CTNNA3: variants seen among roughly 807,000 people sequenced by gnomAD.
CTNNA3 encodes catenin alpha-3.
Under a neutral mutation model 95.7 loss-of-function variants are expected in CTNNA3, and 76 were observed. The observed-to-expected ratio is 0.79, with a 90% CI of 0.66 to 0.96. The LOEUF (loss-of-function observed/expected upper bound fraction) is 0.96, where lower values mean the gene tolerates loss of function less well. CTNNA3 is among the 40% of genes least tolerant of loss of function. CTNNA3 has a pLI of 0.00. For synonymous variants in CTNNA3, 431 were observed against 374.4 expected, an observed-to-expected ratio of 1.15 and a Z score of -1.74; for missense variants, 1,191 against 1,089.8, an observed-to-expected ratio of 1.09 and a Z score of -1.31.
At chr10:67,304,559 C>T (rs1840459572) in intron 5 of CTNNA3, among the ~76,000 whole-genome samples, 1 of 152,082 alleles carries the variant, frequency 6.6e-6, no homozygotes, top group Admixed American at 6.5e-5. Context: ...TTGGCTTTCT[C>T]TGAAATGAAA....
At chr10:67,221,613 C>CA (rs1864661617) in intron 5 of CTNNA3, among the ~76,000 whole-genome samples, 1 of 151,882 alleles carries the variant, frequency 6.6e-6, no homozygotes. Context: ...CGCGCTCTGT[C>CA]GCCGAGGCTG....
chr10:67,131,003 T>C (rs1227014701), intron 7 of CTNNA3, among the ~76,000 whole-genome samples: 1 of 152,058 alleles, frequency 6.6e-6, no homozygotes. Context: ...TCTAGAGTAA[T>C]TGATTCAAAA....
chr10:66,645,322 T>C (rs1304027823), intron 9 of CTNNA3, among the ~76,000 whole-genome samples: 3 of 152,122 alleles, frequency 2.0e-5, no homozygotes, highest in Non-Finnish European at 2.9e-5. Context: ...AAACATTTTG[T>C]ATTTATATTA....
chr10:67,152,843 T>C (rs900245559), intron 7 of CTNNA3, among the ~76,000 whole-genome samples: 1 of 152,192 alleles, frequency 6.6e-6, no homozygotes. Context: ...TTTTTATAAA[T>C]TGAAGACAAC....
intron 12 of CTNNA3, among the ~76,000 whole-genome samples, chr10:66,288,977 A>G (rs1048014252): frequency 2.3e-4 from 35 of 152,026 alleles, no homozygotes; most frequent in Admixed American, 1.5e-3. Context: ...AACAAAAAAC[A>G]TAGTTTTCCT....
At chr10:66,915,588 A>G (rs1387492255) in intron 7 of CTNNA3, among the ~76,000 whole-genome samples, 1 of 151,840 alleles carries the variant, frequency 6.6e-6, no homozygotes, top group East Asian at 1.9e-4. Context: ...AAAATGGTGA[A>G]GTACTAGGTA....
chr10:67,658,789 C>A (rs1840098789), intron 1 of CTNNA3, among the ~76,000 whole-genome samples: 1 of 152,126 alleles, frequency 6.6e-6, no homozygotes, highest in Admixed American at 6.5e-5. Flanking sequence ...CCTTAGCATC[C>A]AAAATCTCTG....
At chr10:66,638,879 T>A (rs542929782) in intron 9 of CTNNA3, among the ~76,000 whole-genome samples, 5 of 152,278 alleles carry the variant, frequency 3.3e-5, no homozygotes, top group African/African-American at 9.6e-5. Context: ...TCCCTCATAC[T>A]TTTCCTCTCA....
At chr10:66,815,582 G>A (rs1564700975) in intron 7 of CTNNA3, among the ~76,000 whole-genome samples, 1 of 152,060 alleles carries the variant, frequency 6.6e-6, no homozygotes, top group East Asian at 1.9e-4. Context: ...GATTTGAAAT[G>A]TCAGCCCACG....
At chr10:66,625,446 TGGCTCGATCTA>T (rs1844900760) in intron 9 of CTNNA3, among the ~76,000 whole-genome samples, 1 of 152,110 alleles carries the variant, frequency 6.6e-6, no homozygotes, top group African/African-American at 2.4e-5. Flanking sequence ...TGGAGTGCAG[TGGCTCGATCTA>T]GGCTCACTGC....
At chr10:66,387,975 T>C (rs1226666487) in intron 11 of CTNNA3, among the ~76,000 whole-genome samples, 1 of 151,860 alleles carries the variant, frequency 6.6e-6, no homozygotes, top group East Asian at 1.9e-4. Flanking sequence ...GGGATAACAT[T>C]AGGAGAAACA....
chr10:67,299,711 T>C (rs1320314966), intron 5 of CTNNA3, among the ~76,000 whole-genome samples: 1 of 152,224 alleles, frequency 6.6e-6, no homozygotes, highest in African/African-American at 2.4e-5. Flanking sequence ...TCTATTATTA[T>C]AGAAATATGT....
intron 12 of CTNNA3, among the ~76,000 whole-genome samples, chr10:66,297,212 A>C (rs2091793572): frequency 6.6e-6 from 1 of 152,124 alleles, no homozygotes; most frequent in Non-Finnish European, 1.5e-5. Context: ...GATAAAAATA[A>C]ATTTATTTAT....
chr10:66,233,344 T>A (rs761138668), intron 13 of CTNNA3, among the ~76,000 whole-genome samples: 1 of 152,008 alleles, frequency 6.6e-6, no homozygotes, highest in Admixed American at 6.6e-5. Flanking sequence ...ACTAGTTTTA[T>A]TAAAATAAAA....
At position 66,688,205 on chromosome 10, in the gene CTNNA3, A is replaced by G. The variant is rs377540761; in HGVS notation, c.1282-66421T>C. ...TCAAGTATTTCCGTGAAGAAAATAA[A>G]AAGATCATGTCCACTGTGTCATAAA... On this transcript the variant is annotated intron_variant, in intron 9 of 17. Coordinates refer to ENST00000433211, the MANE Select transcript of CTNNA3 (RefSeq NM_013266.4). 7.2e-5 allele frequency among the ~76,000 whole-genome samples: 11 copies of G among 152,330 alleles called. No individual in the cohort carries two copies. In the South Asian group the frequency reaches 1.2e-3, roughly 17 times the overall value.
chr10:66,521,538 A>G (rs2631202), intron 10 of CTNNA3, among the ~76,000 whole-genome samples: 152,126 of 152,254 alleles, frequency 1, 75,999 homozygotes, highest in Non-Finnish European at 1. Context: ...CCCTTGTTTC[A>G]GGAGAGAAAT....
chr10:66,716,199 A>C (rs1205529998), intron 9 of CTNNA3, among the ~76,000 whole-genome samples: 2 of 152,104 alleles, frequency 1.3e-5, no homozygotes, highest in Admixed American at 6.6e-5. Context: ...ATCGTGTACA[A>C]ATGTTATGCT....
At chr10:66,109,125 A>G (rs2082020072) in intron 13 of CTNNA3, among the ~76,000 whole-genome samples, 1 of 152,280 alleles carries the variant, frequency 6.6e-6, no homozygotes, top group African/African-American at 2.4e-5. Flanking sequence ...AGCCCAGAAC[A>G]GTGTTTCAAA....
At chr10:67,310,423 A>G (rs772051975) in intron 5 of CTNNA3, among the ~76,000 whole-genome samples, 1 of 152,158 alleles carries the variant, frequency 6.6e-6, no homozygotes, top group Non-Finnish European at 1.5e-5. Context: ...TTAAAAGCAA[A>G]GTTTTCTGAG....
Sources: gnomAD v4.1 joint callset for allele counts (sites outside exome capture counted in the v4.1 genomes callset) on GRCh38, gnomAD v4.1.1 for gene constraint, MANE v1.5 for transcripts, NCBI Gene and HGNC (gene_info 2026-07-23, HGNC 2026-07-21) for gene names.